Variants in FSIP1 observed in about 807,000 individuals in gnomAD.
FSIP1 encodes fibrous sheath-interacting protein 1.
A neutral mutation model predicts 60.9 loss-of-function variants in FSIP1; 65 were observed. That is an observed-to-expected ratio of 1.07 (90% CI 0.87 to 1.31). The LOEUF is 1.31. FSIP1 is among the 40% of genes most tolerant of loss of function. The probability of loss-of-function intolerance (pLI) is 0.00; values close to 1 mark genes in which losing one functional copy is unlikely to be tolerated. For synonymous variants in FSIP1, 209 were observed against 221.2 expected, an observed-to-expected ratio of 0.94 and a Z score of 0.49; for missense variants, 675 against 665.5, an observed-to-expected ratio of 1.01 and a Z score of -0.16.
At chr15:39,685,200 G>A (rs1206923414) in intron 10 of FSIP1, among the ~76,000 whole-genome samples, 2 of 152,146 alleles carry the variant, frequency 1.3e-5, no homozygotes, top group African/African-American at 4.8e-5. Context: ...GTTCTGAAGA[G>A]CCCTCCTGAA....
chr15:39,776,248 A>C (rs1898060254), intron 2 of FSIP1, 151 bp downstream of exon 2: 4 of 611,774 alleles, frequency 6.5e-6, no homozygotes, highest in South Asian at 2.9e-5. Flanking sequence ...TTTCATATTA[A>C]TCTAGATTAA....
chr15:39,705,686 T>G (rs1895234938), intron 10 of FSIP1, among the ~76,000 whole-genome samples: 1 of 152,118 alleles, frequency 6.6e-6, no homozygotes, highest in Non-Finnish European at 1.5e-5. Flanking sequence ...ATGTTTCGTA[T>G]CATATATTTT....
In FSIP1 at chr15:39,701,023, G is replaced by A. The variant is rs372893788; in HGVS notation, c.1188+12421C>T. On this transcript the variant is annotated intron_variant, in intron 10 of 11. Coordinates refer to ENST00000350221, the MANE Select transcript of FSIP1 (RefSeq NM_152597.5). The stretch of plus-strand genomic sequence containing the variant: ...AAAAATTAGCTGGGCATGGTGGTGC[G>A]TGCCTGTAGTCCCAGCTATTTGGGG... Among the ~76,000 whole-genome samples the A allele has an allele frequency of 3.2e-4, 48 of 152,212 alleles. No homozygotes were observed. The East Asian group carries it at 3.5e-3, about 11-fold the overall frequency.
In FSIP1 at chr15:39,739,741, T is replaced by C. The variant is rs1180689972; in HGVS notation, c.704A>G (p.Lys235Arg). ...ERNESLIKSG[K>R]KPFSNTEKIE... The stretch of plus-strand genomic sequence containing the variant: ...CTTTTCTGTATTCGAGAAAGGTTTC[T>C]TTCCTGATTTGATCAATGACTCATT... Residue 235 changes from lysine to arginine, a missense_variant, in exon 7 of 12, where the codon AAG (lysine) becomes AGG (arginine). Transcript: ENST00000350221. 6 of 1,594,996 alleles carry C rather than the reference T, an allele frequency of 3.8e-6. No individual in the cohort carries two copies. Among genetic ancestry groups the C allele is most frequent in the African/African-American group, 2.7e-5 (2 of 73,916 alleles).
chr15:39,603,834 A>G (rs1890727964), intron 11 of FSIP1, among the ~76,000 whole-genome samples: 1 of 152,246 alleles, frequency 6.6e-6, no homozygotes, highest in African/African-American at 2.4e-5. Context: ...AGAAGTAAGT[A>G]GTAAACCATT....
intron 5 of FSIP1, 46 bp from the exon 6 acceptor site, chr15:39,741,946 A>T (rs201328692): frequency 1.1e-6 from 1 of 935,206 alleles, no homozygotes; most frequent in Non-Finnish European, 1.6e-6. Flanking sequence ...AAAATAAATT[A>T]AGTAGTTGTC....
At chr15:39,627,215 G>A (rs1891678952) in intron 10 of FSIP1, among the ~76,000 whole-genome samples, 1 of 152,126 alleles carries the variant, frequency 6.6e-6, no homozygotes, top group Non-Finnish European at 1.5e-5. Flanking sequence ...CCTGCTGCCG[G>A]GCTGAGCACT....
intron 5 of FSIP1, among the ~76,000 whole-genome samples, chr15:39,749,941 GAAGT>G (rs1359940488): frequency 6.6e-6 from 1 of 151,796 alleles, no homozygotes. Context: ...AAAACTATTA[GAAGT>G]AATAAATAAA....
intron 3 of FSIP1, among the ~76,000 whole-genome samples, chr15:39,765,988 T>C (rs144957099): frequency 6.6e-6 from 1 of 152,348 alleles, no homozygotes; most frequent in African/African-American, 2.4e-5. Flanking sequence ...CTGGGTCCTT[T>C]CAAATATGTA....
rs189233795 is a variant in FSIP1 at position 39,691,679 on chromosome 15, C to T, written c.1188+21765G>A. 1.5e-3 allele frequency among the ~76,000 whole-genome samples: 226 copies of T among 152,270 alleles called. 2 individuals are homozygous for T. Among genetic ancestry groups the T allele is most frequent in the African/African-American group, 5.4e-3 (224 of 41,542 alleles). ...AGAAGGGGACTGTTTGATGGGTACA[C>T]TTTTTTTCATGGGGCTGGGGAAGTA... On this transcript the variant is annotated intron_variant, in intron 10 of 11. Transcript: ENST00000350221.
At position 39,765,685 on chromosome 15, in the gene FSIP1, T is replaced by G. The variant is rs759003194; in HGVS notation, c.372A>C (p.Lys124Asn). 1 of 1,585,042 alleles carries G rather than the reference T, an allele frequency of 6.3e-7. No homozygotes were observed. Among genetic ancestry groups the G allele is most frequent in the Non-Finnish European group, 8.6e-7 (1 of 1,156,792 alleles). The change falls in exon 4 of 12, where the codon AAA (lysine) becomes AAC (asparagine). Residue 124 changes from lysine to asparagine, a missense_variant. Coordinates refer to ENST00000350221, the MANE Select transcript of FSIP1 (RefSeq NM_152597.5). ...QLQDAIQKMK[K>N]LDKILAKKQR... Reference sequence around the variant, plus strand: ...GTTTCTTTGCCAATATTTTATCAAGTTTTTTCATCTTCTGAATAGCATCTT... The same window carrying G: ...GTTTCTTTGCCAATATTTTATCAAGGTTTTTCATCTTCTGAATAGCATCTT...
At chr15:39,729,722 A>T (rs1440469880) in intron 8 of FSIP1, among the ~76,000 whole-genome samples, 1 of 152,230 alleles carries the variant, frequency 6.6e-6, no homozygotes, top group African/African-American at 2.4e-5. Context: ...AAAGAATGAG[A>T]TCACATCCTT....
chr15:39,658,070 C>G (rs1232832264), intron 10 of FSIP1, among the ~76,000 whole-genome samples: 1 of 152,092 alleles, frequency 6.6e-6, no homozygotes, highest in Non-Finnish European at 1.5e-5. Flanking sequence ...AAATGGGTGA[C>G]TATCTTTCCA....
intron 9 of FSIP1, among the ~76,000 whole-genome samples, 200 bp from the exon 10 acceptor site, chr15:39,713,781 G>C (rs1166806083): frequency 6.6e-6 from 1 of 152,180 alleles, no homozygotes; most frequent in African/African-American, 2.4e-5. Context: ...AAGTAGGAAA[G>C]GAACCCAACT....
Position 39,713,458 on chromosome 15 carries a change from T to C in FSIP1, c.1174A>G (p.Met392Val), listed in dbSNP as rs2140554609. 1 of 1,592,878 alleles carries C rather than the reference T, an allele frequency of 6.3e-7. No homozygotes were observed. The highest frequency in any genetic ancestry group is 8.5e-7 in the Non-Finnish European group (1 of 1,173,392). The change falls in exon 10 of 12, where the codon ATG (methionine) becomes GTG (valine). Residue 392 changes from methionine (M) to valine (V), a missense_variant. Coordinates refer to ENST00000350221, the MANE Select transcript of FSIP1 (RefSeq NM_152597.5). Reference sequence around the variant, plus strand: ...AAAAGACTTACCACATTTTCCTTCATCATTTTCAGCTTTTCATCAATCTCT... The same window carrying C: ...AAAAGACTTACCACATTTTCCTTCACCATTTTCAGCTTTTCATCAATCTCT... Reference protein sequence around the residue: ...LREIDEKLKMMKENVLESTSC... With the variant: ...LREIDEKLKMVKENVLESTSC...
chr15:39,767,436 G>A (rs566256256), intron 3 of FSIP1, among the ~76,000 whole-genome samples: 1 of 152,330 alleles, frequency 6.6e-6, no homozygotes, highest in Non-Finnish European at 1.5e-5. Context: ...GAGACAGGAA[G>A]GGGACAGGGA....
chr15:39,698,180 A>T (rs1359234576), intron 10 of FSIP1, among the ~76,000 whole-genome samples: 5 of 101,392 alleles, frequency 4.9e-5, no homozygotes, highest in Non-Finnish European at 7.0e-5. Context: ...TATATATATA[A>T]AATATTAATT....
chr15:39,649,334 G>C lies in FSIP1; in HGVS notation c.1189-31089C>G, dbSNP rs569837146. Among the ~76,000 whole-genome samples, 224 of 152,158 alleles carry C rather than the reference G, an allele frequency of 1.5e-3. 2 individuals carry two copies. The Middle Eastern group carries it at 0.027, about 18-fold the overall frequency. ...AAATTTCACATCCTGCAAGCATAAG[G>C]GTCAAATATATTTTAGTCATAAAGA... On this transcript the variant is annotated intron_variant, in intron 10 of 11. Coordinates refer to ENST00000350221, the MANE Select transcript of FSIP1 (RefSeq NM_152597.5).
At chr15:39,688,812 T>C (rs1894486083) in intron 10 of FSIP1, among the ~76,000 whole-genome samples, 1 of 152,102 alleles carries the variant, frequency 6.6e-6, no homozygotes, top group African/African-American at 2.4e-5. Context: ...GTGGGTGAGG[T>C]GGTGTCCTTC....
Sources: gnomAD v4.1 joint callset for allele counts (sites outside exome capture counted in the v4.1 genomes callset) on GRCh38, gnomAD v4.1.1 for gene constraint, MANE v1.5 for transcripts, NCBI Gene and HGNC (gene_info 2026-07-23, HGNC 2026-07-21) for gene names.